NEDD4L: variants seen among roughly 807,000 people sequenced by gnomAD.
The protein encoded by NEDD4L is E3 ubiquitin-protein ligase NEDD4-like.
A neutral mutation model predicts 148.9 loss-of-function variants in NEDD4L; 54 were observed. That is an observed-to-expected ratio of 0.36 (90% confidence interval 0.29 to 0.45). The LOEUF is 0.45. Among genes scored for constraint, NEDD4L ranks in the 20% least tolerant of loss-of-function variants. The pLI, the probability that NEDD4L is intolerant of heterozygous loss-of-function variation, is 1.00. For missense variants in NEDD4L, 856 were observed against 1,233.8 expected (o/e 0.69, Z 4.59); for synonymous variants, 433 against 440.7 (o/e 0.98, Z 0.22).
intron 1 of NEDD4L, among the ~76,000 whole-genome samples, chr18:58,159,545 T>C (rs190502350): frequency 3.9e-5 from 6 of 152,176 alleles, no homozygotes; most frequent in Admixed American, 3.9e-4. Flanking sequence ...CTAAAACTGC[T>C]CTAAAAAGAG....
At chr18:58,106,724 T>G (rs2085088812) in intron 1 of NEDD4L, among the ~76,000 whole-genome samples, 1 of 152,192 alleles carries the variant, frequency 6.6e-6, no homozygotes, top group African/African-American at 2.4e-5. Flanking sequence ...TACAATAACA[T>G]TTTTGGTCAC....
intron 5 of NEDD4L, among the ~76,000 whole-genome samples, chr18:58,304,501 A>G (rs2056849904): frequency 6.6e-6 from 1 of 152,170 alleles, no homozygotes; most frequent in Non-Finnish European, 1.5e-5. Context: ...GCAACATAAC[A>G]AGACTCTGTC....
intron 5 of NEDD4L, among the ~76,000 whole-genome samples, chr18:58,253,611 G>A (rs1244520795): frequency 6.6e-6 from 1 of 152,180 alleles, no homozygotes; most frequent in Non-Finnish European, 1.5e-5. Flanking sequence ...GGAGACATGG[G>A]TGTGTCTGTA....
chr18:58,224,026 G>C (rs1477140820), intron 2 of NEDD4L, among the ~76,000 whole-genome samples: 1 of 152,208 alleles, frequency 6.6e-6, no homozygotes, highest in African/African-American at 2.4e-5. Flanking sequence ...GGGAGGACTT[G>C]GGCGCTTCCT....
intron 1 of NEDD4L, among the ~76,000 whole-genome samples, chr18:58,100,353 A>G (rs182743616): frequency 1.3e-5 from 2 of 152,340 alleles, no homozygotes; most frequent in African/African-American, 4.8e-5. Context: ...GAGTAATGAC[A>G]GTGTAATTTA....
chr18:58,342,003 C>T (rs568572422), intron 15 of NEDD4L, among the ~76,000 whole-genome samples: 9 of 152,344 alleles, frequency 5.9e-5, no homozygotes, highest in African/African-American at 2.2e-4. Flanking sequence ...ACCTGATTCT[C>T]ATTCTCATTT....
rs1161842253 is a variant in NEDD4L at position 58,234,046 on chromosome 18, T to TTTCTTTCC, written c.123-11374_123-11373insCTTCTTTC. On this transcript the variant is annotated intron_variant, in intron 2 of 30. Transcript: ENST00000400345. The stretch of plus-strand genomic sequence containing the variant: ...AACCTAATGACCTCATTTCTTTCCT[T>TTTCTTTCC]TTCTTTCTTTCTTTCTTTCTTTCTT... 4.8e-3 allele frequency among the ~76,000 whole-genome samples: 228 copies of TTTCTTTCC among 47,266 alleles called. 3 individuals are homozygous for TTTCTTTCC. In the Middle Eastern group the frequency reaches 0.057, roughly 12 times the overall value. 31.0% of individuals were successfully genotyped at this position (47,266 alleles called of 152,430 possible). A position where few individuals can be genotyped will look rare whatever the true frequency, so the allele number is the denominator to read the frequency against.
intron 2 of NEDD4L, among the ~76,000 whole-genome samples, chr18:58,207,024 A>T (rs182737933): frequency 6.6e-6 from 1 of 152,306 alleles, no homozygotes; most frequent in African/African-American, 2.4e-5. Flanking sequence ...GAAAGTGCAT[A>T]TTAGTTCTCC....
At chr18:58,249,226 T>A (rs1234299048) in intron 4 of NEDD4L, among the ~76,000 whole-genome samples, 2 of 152,156 alleles carry the variant, frequency 1.3e-5, no homozygotes, top group Admixed American at 6.5e-5. Context: ...AGATAAAATA[T>A]CATTTATGAG....
intron 16 of NEDD4L, among the ~76,000 whole-genome samples, chr18:58,347,786 G>T (rs1311993083): frequency 1.3e-5 from 2 of 152,160 alleles, no homozygotes; most frequent in East Asian, 3.8e-4. Flanking sequence ...ATTCTTGCCA[G>T]TTCCCAAGAT....
rs1262819486 is a variant in NEDD4L at position 58,256,189 on chromosome 18, G to A, written c.297+4135G>A. The A allele has an allele frequency of 4.0e-5, 49 of 1,217,706 alleles. No homozygotes were observed. Among genetic ancestry groups the A allele is most frequent in the Non-Finnish European group, 4.6e-5 (45 of 979,242 alleles). 75.4% of individuals were successfully genotyped at this position (1,217,706 alleles called of 1,614,324 possible). On this transcript the variant is annotated intron_variant, in intron 5 of 30. Coordinates refer to ENST00000400345, the MANE Select transcript of NEDD4L (RefSeq NM_001144967.3). This position sits in a 1 kb window ranked among gnomAD's most constrained non-coding sequence, Gnocchi z 5.2. ...GGTGCTCCGGCCCCGTGGACTGCGC[G>A]GAGGAGGCTGCCCCGGGCCTGCGCA...
At chr18:58,310,809 T>A (rs546397483) in intron 5 of NEDD4L, among the ~76,000 whole-genome samples, 2 of 152,364 alleles carry the variant, frequency 1.3e-5, no homozygotes, top group Admixed American at 1.3e-4. Context: ...GTGGCACAGC[T>A]GATGGGGTAG....
chr18:58,395,924 GATCT>G (rs2050435582), intron 30 of NEDD4L, among the ~76,000 whole-genome samples: 1 of 152,158 alleles, frequency 6.6e-6, no homozygotes, highest in Admixed American at 6.5e-5. Context: ...ATTCCTCCGA[GATCT>G]GCATCTGACT....
chr18:58,141,646 C>T (rs962198068), intron 1 of NEDD4L, among the ~76,000 whole-genome samples: 2 of 151,998 alleles, frequency 1.3e-5, no homozygotes, highest in African/African-American at 4.8e-5. Context: ...TCTGTTTTTC[C>T]CTCTAGTGTC....
At chr18:58,117,465 C>G (rs2085922290) in intron 1 of NEDD4L, among the ~76,000 whole-genome samples, 1 of 152,160 alleles carries the variant, frequency 6.6e-6, no homozygotes, top group Admixed American at 6.5e-5. Context: ...TATTGGGGAA[C>G]TGCATTATAG....
At chr18:58,316,360 T>G (rs2058262293) in intron 6 of NEDD4L, among the ~76,000 whole-genome samples, 1 of 152,222 alleles carries the variant, frequency 6.6e-6, no homozygotes. Flanking sequence ...TCCCTTCTTG[T>G]CACTTACTGT....
chr18:58,252,119 T>A, intron 5 of NEDD4L, 65 bp downstream of exon 5: 1 of 998,460 alleles, frequency 1.0e-6, no homozygotes, highest in South Asian at 1.3e-5. Flanking sequence ...CAGAGCAGCG[T>A]CTTTAAAACT....
At chr18:58,283,139 G>A (rs754996464) in intron 5 of NEDD4L, among the ~76,000 whole-genome samples, 11 of 152,148 alleles carry the variant, frequency 7.2e-5, no homozygotes, top group Non-Finnish European at 1.5e-4. Context: ...GCAGTGGTGC[G>A]ATCTCAGCTC....
intron 1 of NEDD4L, among the ~76,000 whole-genome samples, chr18:58,099,561 A>G (rs1712243826): frequency 1.3e-5 from 2 of 152,202 alleles, no homozygotes; most frequent in African/African-American, 4.8e-5. Flanking sequence ...AGAGTGGGAT[A>G]GTGGTATTTC....
Sources: allele counts gnomAD v4.1 joint callset (sites outside exome capture counted in the v4.1 genomes callset), GRCh38; gene constraint gnomAD v4.1.1; non-coding constraint Gnocchi (gnomAD v3.1); transcripts MANE v1.5; gene names NCBI Gene and HGNC (gene_info 2026-07-23, HGNC 2026-07-21).